FAM107B: variants seen among roughly 807,000 people sequenced by gnomAD.
FAM107B encodes the protein protein FAM107B.
FAM107B carries 21 observed loss-of-function variants against 31.5 expected under a neutral mutation model. The ratio of observed to expected loss-of-function variants is 0.67; its 90% CI spans 0.47 to 0.96. The LOEUF (loss-of-function observed/expected upper bound fraction) is 0.96, where lower values mean the gene tolerates loss of function less well. Ranked by LOEUF, FAM107B falls within the 40% of genes least tolerant of loss-of-function variation. The pLI, the probability that FAM107B is intolerant of heterozygous loss-of-function variation, is 0.00. For missense variants in FAM107B, 452 were observed against 377.1 expected, an observed-to-expected ratio of 1.20 and a Z score of -1.64; for synonymous variants, 157 against 141.5, an observed-to-expected ratio of 1.11 and a Z score of -0.78.
chr10:14,697,085 A>AGTGCAC (rs1855283329), intron 1 of FAM107B, among the ~76,000 whole-genome samples: 1 of 152,196 alleles, frequency 6.6e-6, no homozygotes, highest in African/African-American at 2.4e-5. Context: ...AGGTCATTAG[A>AGTGCAC]GTGCACGCTT....
chr10:14,768,308 T>C (rs1244740957), intron 1 of FAM107B, among the ~76,000 whole-genome samples: 1 of 152,230 alleles, frequency 6.6e-6, no homozygotes, highest in South Asian at 2.1e-4. Flanking sequence ...CTAAAATTTA[T>C]AGAGAATCTC....
At chr10:14,583,590 G>A (rs1851726161) in intron 2 of FAM107B, among the ~76,000 whole-genome samples, 1 of 152,116 alleles carries the variant, frequency 6.6e-6, no homozygotes, top group African/African-American at 2.4e-5. Flanking sequence ...CGCGGAAGTT[G>A]TGGCCAGACA....
At chr10:14,672,932 A>T (rs1011814048) in intron 1 of FAM107B, among the ~76,000 whole-genome samples, 6 of 152,222 alleles carry the variant, frequency 3.9e-5, no homozygotes, top group Admixed American at 2.0e-4. Context: ...GTTTAGAAGC[A>T]AAAAGGTAGT....
rs36097342 is a variant in FAM107B at position 14,671,878 on chromosome 10, A to C, written c.412-4187T>G. Among the ~76,000 whole-genome samples the C allele has an allele frequency of 7.3e-5, 5 of 68,086 alleles. 1 individual carries two copies. Among genetic ancestry groups the C allele is most frequent in the African/African-American group, 1.5e-4 (4 of 26,204 alleles). 44.7% of individuals were successfully genotyped at this position (68,086 alleles called of 152,430 possible). On this transcript the variant is annotated intron_variant, in intron 1 of 4. Coordinates refer to ENST00000181796, the MANE Select transcript of FAM107B (RefSeq NM_031453.4). ...TAATACACTCCCTTTTATTTAAAAA[A>C]AAAAAACAAAAAAACAAAAAAAAAA...
chr10:14,704,708 C>T (rs1855480622), intron 1 of FAM107B, among the ~76,000 whole-genome samples: 1 of 151,960 alleles, frequency 6.6e-6, no homozygotes, highest in African/African-American at 2.4e-5. Flanking sequence ...TCGATAAGAA[C>T]AAAACAAACA....
At chr10:14,635,298 C>T (rs776782407) in intron 2 of FAM107B, among the ~76,000 whole-genome samples, 1 of 152,116 alleles carries the variant, frequency 6.6e-6, no homozygotes, top group African/African-American at 2.4e-5. Flanking sequence ...CTAAATTCTC[C>T]ACAGGAACTC....
intron 1 of FAM107B, among the ~76,000 whole-genome samples, chr10:14,715,779 C>T (rs1038031277): frequency 2.6e-5 from 4 of 152,186 alleles, no homozygotes; most frequent in African/African-American, 9.7e-5. Context: ...AGGATTGACA[C>T]AAGTGCCTCC....
chr10:14,522,010 A>C lies in FAM107B; in HGVS notation c.663T>G (p.Ala221=), dbSNP rs998924519. The part of the protein sequence containing the change: ...ELLMNQKRGL[A]PQNKPELQKV... ...TCTGCAATTCTGGTTTGTTCTGAGG[A>C]GCAAGACCCCTGCGAAAGAGCATTA... is the stretch of plus-strand genomic sequence containing the variant. The change falls in exon 4 of 5, where the codon GCT becomes GCG. Residue 221 remains alanine (A), a synonymous_variant. Transcript: ENST00000181796. The C allele has an allele frequency of 3.1e-6, 5 of 1,609,626 alleles. No individual in the cohort carries two copies. Among genetic ancestry groups the C allele is most frequent in the Non-Finnish European group, 4.2e-6 (5 of 1,178,980 alleles).
intron 1 of FAM107B, 24 bp from the exon 2 acceptor site, chr10:14,667,715 G>A (rs200969963): frequency 6.2e-7 from 1 of 1,613,206 alleles, no homozygotes; most frequent in East Asian, 2.2e-5. Flanking sequence ...CCATAAACCA[G>A]AAAAGCAGGG....
intron 2 of FAM107B, among the ~76,000 whole-genome samples, chr10:14,558,664 G>A (rs1849926566): frequency 6.6e-6 from 1 of 152,036 alleles, no homozygotes; most frequent in Non-Finnish European, 1.5e-5. Flanking sequence ...TGCCTCTGGT[G>A]AACGCAGGAA....
At chr10:14,724,715 G>A (rs1409994714) in intron 1 of FAM107B, among the ~76,000 whole-genome samples, 1 of 151,616 alleles carries the variant, frequency 6.6e-6, no homozygotes, top group Non-Finnish European at 1.5e-5. Flanking sequence ...CCTAAACATC[G>A]TCACACAAGT....
chr10:14,579,035 A>G (rs1851551660), intron 2 of FAM107B, among the ~76,000 whole-genome samples: 1 of 152,242 alleles, frequency 6.6e-6, no homozygotes, highest in African/African-American at 2.4e-5. Context: ...TTTTCTATTA[A>G]TATATACAAG....
At chr10:14,533,984 A>T (rs1380304202) in intron 2 of FAM107B, among the ~76,000 whole-genome samples, 2 of 152,196 alleles carry the variant, frequency 1.3e-5, no homozygotes, top group Non-Finnish European at 2.9e-5. Context: ...AAGTGCGTGT[A>T]GTGCATTTAG....
At chr10:14,534,261 G>C (rs1300877625) in intron 2 of FAM107B, among the ~76,000 whole-genome samples, 2 of 152,064 alleles carry the variant, frequency 1.3e-5, no homozygotes, top group Non-Finnish European at 2.9e-5. Context: ...TAGTAACAAG[G>C]GGGTGAACGG....
intron 2 of FAM107B, among the ~76,000 whole-genome samples, chr10:14,607,999 C>T (rs577492146): frequency 1.3e-5 from 2 of 151,460 alleles, no homozygotes; most frequent in South Asian, 2.1e-4. Context: ...TAAGGAAAAT[C>T]GAACAAAGCA....
At chr10:14,524,704 G>A (rs958808657) in intron 3 of FAM107B, among the ~76,000 whole-genome samples, 1 of 152,170 alleles carries the variant, frequency 6.6e-6, no homozygotes, top group Non-Finnish European at 1.5e-5. Flanking sequence ...TAACACTACA[G>A]ACAGAATTAA....
intron 2 of FAM107B, among the ~76,000 whole-genome samples, chr10:14,610,638 A>T (rs188377832): frequency 6.6e-6 from 1 of 152,352 alleles, no homozygotes; most frequent in East Asian, 1.9e-4. Flanking sequence ...CCCAAATCTG[A>T]AAGAACATGC....
intron 2 of FAM107B, among the ~76,000 whole-genome samples, chr10:14,543,240 T>G (rs1478062545): frequency 6.6e-6 from 1 of 152,172 alleles, no homozygotes; most frequent in Non-Finnish European, 1.5e-5. Context: ...CTGTTGCTTT[T>G]TAAAAGAAAT....
chr10:14,768,453 A>G (rs1200670190), intron 1 of FAM107B, among the ~76,000 whole-genome samples: 1 of 152,220 alleles, frequency 6.6e-6, no homozygotes, highest in African/African-American at 2.4e-5. Context: ...CATATATACC[A>G]ATGGAACAGA....
Sources: allele counts gnomAD v4.1 joint callset (sites outside exome capture counted in the v4.1 genomes callset), GRCh38; gene constraint gnomAD v4.1.1; transcripts MANE v1.5; gene names NCBI Gene and HGNC (gene_info 2026-07-23, HGNC 2026-07-21).